The following FAM83C variants were observed in gnomAD, a reference collection of about 807,000 sequenced individuals.
FAM83C encodes the protein protein FAM83C.
Under a neutral mutation model 27.1 loss-of-function variants are expected in FAM83C, and 23 were observed. The observed-to-expected ratio is 0.85, with a 90% CI of 0.61 to 1.20. The LOEUF (loss-of-function observed/expected upper bound fraction) is 1.20. Ranked by LOEUF, FAM83C falls within the 50% of genes most tolerant of loss-of-function variation. FAM83C has a pLI of 0.00. For missense variants in FAM83C, 984 were observed against 1,001.3 expected, an observed-to-expected ratio of 0.98 and a Z score of 0.23; for synonymous variants, 426 against 423.1, an observed-to-expected ratio of 1.01 and a Z score of -0.09.
Position 35,288,894 on chromosome 20 carries a change from G to GT in FAM83C, c.577_578insA (p.Ser193TyrfsTer67), listed in dbSNP as rs762486670. On this transcript the variant is annotated frameshift_variant, in exon 2 of 4. Coordinates refer to ENST00000374408, the MANE Select transcript of FAM83C (RefSeq NM_178468.6). LOFTEE classifies it high-confidence loss of function. ...GTACACAGGGACACCACGCCGGCTT[G>GT]AGGCCTCCATGAGGTCACACAGAAG... The GT allele has an allele frequency of 1.2e-6, 2 of 1,614,018 alleles. No homozygotes were observed. The highest frequency in any genetic ancestry group is 2.7e-5 in the African/African-American group (2 of 74,908).
chr20:35,286,664 A>G lies in FAM83C; in HGVS notation c.2115T>C (p.His705=). ...GTEPGGPKGG[H]LNGGNSDLVR... is the part of the protein sequence containing the mutation. Reference sequence around the variant, plus strand: ...CCAGGTCACTGTTACCACCATTGAGATGGCCACCCTTGGGACCCCCAGGCT... The same window carrying G: ...CCAGGTCACTGTTACCACCATTGAGGTGGCCACCCTTGGGACCCCCAGGCT... The change falls in exon 4 of 4, where the codon CAT becomes CAC. Residue 705 remains histidine, a synonymous_variant. Transcript: ENST00000374408. The G allele has an allele frequency of 6.2e-7, 1 of 1,612,740 alleles. No homozygotes were observed. The highest frequency in any genetic ancestry group is 8.5e-7 in the Non-Finnish European group (1 of 1,179,780).
chr20:35,290,614 C>T (rs1156540592), intron 1 of FAM83C, among the ~76,000 whole-genome samples: 2 of 152,214 alleles, frequency 1.3e-5, no homozygotes, highest in African/African-American at 2.4e-5. Context: ...GGAGTCATGA[C>T]AGCCCAGTGC....
chr20:35,289,829 G>A (rs1600832842), intron 1 of FAM83C, among the ~76,000 whole-genome samples: 1 of 152,122 alleles, frequency 6.6e-6, no homozygotes, highest in African/African-American at 2.4e-5. Flanking sequence ...TCTGTGCACC[G>A]AGTGTTTATC....
chr20:35,286,868 G>A lies in FAM83C; in HGVS notation c.1911C>T (p.Leu637=). ...CACGGAATGGGCCGAACTTTGTGAT[G>A]AGGTCCAGCTGGCTGTGCCCCAGGG... is the stretch of plus-strand genomic sequence containing the variant. ...RQTLGHSQLD[L]ITKFGPFRGE... Residue 637 remains leucine, a synonymous_variant, in exon 4 of 4, where the codon CTC becomes CTT. Transcript: ENST00000374408. 1 of 1,614,230 alleles carries A rather than the reference G, an allele frequency of 6.2e-7. No individual in the cohort carries two copies. The highest frequency in any genetic ancestry group is 1.1e-5 in the South Asian group (1 of 91,092).
chr20:35,289,042 G>C, intron 1 of FAM83C, 84 bp from the exon 2 acceptor site: 2 of 1,506,824 alleles, frequency 1.3e-6, no homozygotes, highest in Non-Finnish European at 1.8e-6. Context: ...GAAACTGGGC[G>C]CCGGGAAAAG....
At position 35,286,058 on chromosome 20, in the gene FAM83C, ACTCT is replaced by A. The variant is rs1179007623; in HGVS notation, c.*473_*476del. 1.2e-5 allele frequency: 2 copies of A among 160,956 alleles called. No homozygotes were observed. Among genetic ancestry groups the A allele is most frequent in the South Asian group, 1.8e-4 (1 of 5,686 alleles). The allele number at this position is 160,956 out of a possible 1,614,324, so 10.0% of individuals were successfully genotyped here. On this transcript the variant is annotated 3_prime_UTR_variant, in exon 4 of 4. Coordinates refer to ENST00000374408, the MANE Select transcript of FAM83C (RefSeq NM_178468.6). ...ATTCTCTCTACCAAAAATTTTTCTA[ACTCT>A]CTCCTCCCTCTGTCCAAAACCTCCC... is the stretch of plus-strand genomic sequence containing the variant.
In FAM83C at chr20:35,291,792, C is replaced by T. The variant is rs776690764; in HGVS notation, c.513G>A (p.Thr171=). Residue 171 remains threonine, a splice_region_variant and synonymous_variant, in exon 1 of 4, where the codon ACG becomes ACA. Transcript: ENST00000374408. ...LLRFLFSQAH[T]VVAVVMDIFT... is the part of the protein sequence containing the mutation. The stretch of plus-strand genomic sequence containing the variant: ...AGTGATGGAGAGATGAGGCCCTTAC[C>T]GTGTGGGCCTGGCTGAAAAGGAAGC... The T allele has an allele frequency of 2.5e-5, 41 of 1,613,808 alleles. No homozygotes were observed. Among genetic ancestry groups the T allele is most frequent in the East Asian group, 6.7e-5 (3 of 44,888 alleles).
intron 2 of FAM83C, 28 bp downstream of exon 2, chr20:35,288,763 C>T (rs1326482696): frequency 1.3e-6 from 2 of 1,589,710 alleles, no homozygotes; most frequent in Non-Finnish European, 1.7e-6. Context: ...GCCCACACCC[C>T]TGGTTACTGC....
chr20:35,288,353 G>A, intron 3 of FAM83C, 108 bp downstream of exon 3: 1 of 1,545,740 alleles, frequency 6.5e-7, no homozygotes, highest in Non-Finnish European at 8.7e-7. Flanking sequence ...CCTGGCACAT[G>A]GCAGGTACTC....
chr20:35,292,069 T>G lies in FAM83C; in HGVS notation c.236A>C (p.Asp79Ala). Residue 79 changes from aspartate to alanine, a missense_variant, in exon 1 of 4, where the codon GAC becomes GCC. Coordinates refer to ENST00000374408, the MANE Select transcript of FAM83C (RefSeq NM_178468.6). ...ELPFLSALDVDYMTSHVRGGP... is the reference protein window; with the variant it reads ...ELPFLSALDVAYMTSHVRGGP... ...CCCGCGCACATGGCTGGTCATGTAG[T>G]CCACATCCAGGGCGCTCAGGAAGGG... 1 of 1,611,006 alleles carries G rather than the reference T, an allele frequency of 6.2e-7. No individual in the cohort carries two copies. Among genetic ancestry groups the G allele is most frequent in the Non-Finnish European group, 8.5e-7 (1 of 1,179,924 alleles).
rs200336560 is a variant in FAM83C at position 35,287,249 on chromosome 20, G to A, written c.1530C>T (p.Leu510=). The A allele has an allele frequency of 2.5e-6, 4 of 1,613,024 alleles. No homozygotes were observed. The highest frequency in any genetic ancestry group is 3.4e-6 in the Non-Finnish European group (4 of 1,180,034). Residue 510 remains leucine, a synonymous_variant, in exon 4 of 4, where the codon CTC becomes CTT. Coordinates refer to ENST00000374408, the MANE Select transcript of FAM83C (RefSeq NM_178468.6). ...CTCGGGCTCTGGGGAAGGGGACAAG[G>A]AGATCCAGCTGGCCACGGCTCTGAC... The part of the protein sequence containing the change: ...SPSQSRGQLD[L]LVPFPRAREV...
rs1315599758 is a variant in FAM83C, at chr20:35,292,073, C to T, written c.232G>A (p.Val78Met). 6.2e-7 allele frequency: 1 copy of T among 1,610,656 alleles called. No homozygotes were observed. The highest frequency in any genetic ancestry group is 8.5e-7 in the Non-Finnish European group (1 of 1,179,978). The change falls in exon 1 of 4, where the codon GTG (valine) becomes ATG (methionine). Residue 78 changes from valine to methionine, a missense_variant. Coordinates refer to ENST00000374408, the MANE Select transcript of FAM83C (RefSeq NM_178468.6). ...RELPFLSALD[V>M]DYMTSHVRGG... The stretch of plus-strand genomic sequence containing the variant: ...CGCACATGGCTGGTCATGTAGTCCA[C>T]ATCCAGGGCGCTCAGGAAGGGCAGC...
chr20:35,292,015 T>G lies in FAM83C; in HGVS notation c.290A>C (p.Gln97Pro), dbSNP rs760174689. The G allele has an allele frequency of 3.1e-6, 5 of 1,613,512 alleles. No individual in the cohort carries two copies. Among genetic ancestry groups the G allele is most frequent in the South Asian group, 1.1e-5 (1 of 91,074 alleles). Residue 97 changes from glutamine (Q) to proline (P), a missense_variant, in exon 1 of 4, where the codon CAG becomes CCG. Gln to Pro is a moderately conservative substitution (Grantham distance 76). Transcript: ENST00000374408. ...GAGGCGGTCTGGCCCGGAGGCCTCC[T>G]GCCCCTGAGCCTCGCTGAGCTCAGG... is the stretch of plus-strand genomic sequence containing the variant. Reference protein sequence around the residue: ...GGPELSEAQGQEASGPDRLSL... With the variant: ...GGPELSEAQGPEASGPDRLSL...
At position 35,287,874 on chromosome 20, in the gene FAM83C, G is replaced by C; in HGVS notation, c.905C>G (p.Ala302Gly). ...GAAGCCCTCCACAGGCTGCGACTCA[G>C]CGTACAGACAGCGGAACTCCCGGTC... ...DFDREFRCLY[A>G]ESQPVEGFCG... is the part of the protein sequence containing the mutation. The change falls in exon 4 of 4, where the codon GCT becomes GGT. Residue 302 changes from alanine (A) to glycine (G), a missense_variant. Ala to Gly is a moderately conservative substitution (Grantham distance 60, BLOSUM62 0). Transcript: ENST00000374408. The C allele has an allele frequency of 6.4e-7, 1 of 1,562,794 alleles. No homozygotes were observed. The highest frequency in any genetic ancestry group is 8.7e-7 in the Non-Finnish European group (1 of 1,152,908).
intron 1 of FAM83C, among the ~76,000 whole-genome samples, chr20:35,289,374 T>A (rs932052859): frequency 5.3e-5 from 8 of 151,678 alleles, no homozygotes; most frequent in African/African-American, 1.9e-4. Context: ...AGAGTCTCAC[T>A]CTGTTGCCCA....
At position 35,286,633 on chromosome 20, in the gene FAM83C, C is replaced by T; in HGVS notation, c.2146G>A (p.Asp716Asn). 1 of 1,614,156 alleles carries T rather than the reference C, an allele frequency of 6.2e-7. No homozygotes were observed. Among genetic ancestry groups the T allele is most frequent in the Non-Finnish European group, 8.5e-7 (1 of 1,180,014 alleles). ...TGACCCAGGGTCAGCCGTTTCTCAT[C>T]CCTGACCAGGTCACTGTTACCACCA... ...LNGGNSDLVR[D>N]EKRLTLGHSK... is the part of the protein sequence containing the mutation. Residue 716 changes from aspartate to asparagine, a missense_variant, in exon 4 of 4, where the codon GAT (aspartate) becomes AAT (asparagine). By Grantham distance (23) the Asp-to-Asn change is conservative (BLOSUM62 1). Transcript: ENST00000374408.
chr20:35,288,448 C>G lies in FAM83C; in HGVS notation c.806+13G>C, dbSNP rs777613682. Reference sequence around the variant, plus strand: ...CAGCCCCAGGCCCCCCTTGCCTCCTCGTGCCTGCTCACCTGTAACTGCCCG... The same window carrying G: ...CAGCCCCAGGCCCCCCTTGCCTCCTGGTGCCTGCTCACCTGTAACTGCCCG... On this transcript the variant is annotated intron_variant, in intron 3 of 3. Transcript: ENST00000374408. 1.2e-6 allele frequency: 2 copies of G among 1,613,636 alleles called. No homozygotes were observed. Among genetic ancestry groups the G allele is most frequent in the East Asian group, 2.2e-5 (1 of 44,868 alleles).
At position 35,287,156 on chromosome 20, in the gene FAM83C, T is replaced by C. The variant is rs1009840072; in HGVS notation, c.1623A>G (p.Pro541=). ...SGPLRPGEQA[P]EDRRLSPSQA... ...GGCTTGGGGACAACCTCCTGTCCTC[T>C]GGGGCCTGCTCGCCAGGCCGAAGGG... The change falls in exon 4 of 4, where the codon CCA becomes CCG. Residue 541 remains proline (P), a synonymous_variant. Coordinates refer to ENST00000374408, the MANE Select transcript of FAM83C (RefSeq NM_178468.6). 3.1e-6 allele frequency: 5 copies of C among 1,605,942 alleles called. No homozygotes were observed. In the African/African-American group the frequency reaches 4.0e-5, roughly 13 times the overall value.
At position 35,287,395 on chromosome 20, in the gene FAM83C, G is replaced by C. The variant is rs892638269; in HGVS notation, c.1384C>G (p.Leu462Val). ...LLQFHRGAPA[L>V]SRFPENGLPG... Reference sequence around the variant, plus strand: ...AGCCCATTCTCTGGGAACCGGGACAGAGCTGGGGCACCCCGATGGAACTGG... The same window carrying C: ...AGCCCATTCTCTGGGAACCGGGACACAGCTGGGGCACCCCGATGGAACTGG... The change falls in exon 4 of 4, where the codon CTG (leucine) becomes GTG (valine). Residue 462 changes from leucine (L) to valine (V), a missense_variant. Physicochemically the swap from Leu to Val is conservative, Grantham distance 32 (BLOSUM62 1). Coordinates refer to ENST00000374408, the MANE Select transcript of FAM83C (RefSeq NM_178468.6). The C allele has an allele frequency of 6.2e-7, 1 of 1,614,104 alleles. No individual in the cohort carries two copies. The highest frequency in any genetic ancestry group is 2.2e-5 in the East Asian group (1 of 44,882).
Sources: allele counts gnomAD v4.1 joint callset (sites outside exome capture counted in the v4.1 genomes callset), GRCh38; gene constraint gnomAD v4.1.1; transcripts MANE v1.5; gene names NCBI Gene and HGNC (gene_info 2026-07-23, HGNC 2026-07-21).